VPS50: variants seen among roughly 807,000 people sequenced by gnomAD.
VPS50 encodes the protein syndetin.
Under a neutral mutation model 139.7 loss-of-function variants are expected in VPS50, and 70 were observed. The observed-to-expected ratio is 0.50, with a 90% confidence interval of 0.41 to 0.61. VPS50 has a LOEUF of 0.61. Ranked by LOEUF, VPS50 falls within the 20% of genes least tolerant of loss-of-function variation. The pLI is 0.00. For missense variants in VPS50, 921 were observed against 1,133.7 expected (o/e 0.81, Z 2.69); for synonymous variants, 365 against 376.7 (o/e 0.97, Z 0.36).
chr7:93,270,603 A>T (rs1336401207), intron 9 of VPS50, among the ~76,000 whole-genome samples: 1 of 151,942 alleles, frequency 6.6e-6, no homozygotes, highest in Non-Finnish European at 1.5e-5. Flanking sequence ...CCAGGACTAG[A>T]CCTGCTGGGA....
chr7:93,318,006 GA>G (rs893251401), intron 20 of VPS50, among the ~76,000 whole-genome samples: 6 of 151,370 alleles, frequency 4.0e-5, no homozygotes, highest in Non-Finnish European at 7.4e-5. Flanking sequence ...AATGTTTAAG[GA>G]AAAAAAGTTT....
chr7:93,323,027 G>C (rs554530635), intron 20 of VPS50, among the ~76,000 whole-genome samples: 1 of 152,288 alleles, frequency 6.6e-6, no homozygotes, highest in Admixed American at 6.5e-5. Context: ...GCTCTTGAAT[G>C]ATACAGTGAT....
At chr7:93,261,211 C>G (rs1190147259) in intron 9 of VPS50, among the ~76,000 whole-genome samples, 2 of 152,126 alleles carry the variant, frequency 1.3e-5, no homozygotes, top group African/African-American at 4.8e-5. Context: ...TATATAGTAA[C>G]AGCTTATTGG....
intron 20 of VPS50, among the ~76,000 whole-genome samples, chr7:93,313,154 T>G (rs1797321193): frequency 6.6e-6 from 1 of 152,184 alleles, no homozygotes; most frequent in East Asian, 1.9e-4. Context: ...TTATGACTCC[T>G]GAAGCTTCTG....
chr7:93,242,909 T>G (rs1173056781), intron 2 of VPS50, among the ~76,000 whole-genome samples: 1 of 151,876 alleles, frequency 6.6e-6, no homozygotes, highest in Non-Finnish European at 1.5e-5. Context: ...TATTGGCAAA[T>G]TGTATGTGCT....
chr7:93,239,389 G>T, intron 1 of VPS50, among the ~76,000 whole-genome samples: 1 of 152,152 alleles, frequency 6.6e-6, no homozygotes, highest in Non-Finnish European at 1.5e-5. Context: ...TATGCAGCAT[G>T]AATTGGATAC....
At chr7:93,258,087 C>T (rs1795544566) in intron 6 of VPS50, 72 bp from the exon 7 acceptor site, 14 of 666,000 alleles carry the variant, frequency 2.1e-5, no homozygotes, top group South Asian at 1.5e-4. Flanking sequence ...CATTAGTTAC[C>T]TAATTGTTCT....
At chr7:93,274,034 G>A (rs963546862) in intron 11 of VPS50, among the ~76,000 whole-genome samples, 3 of 152,058 alleles carry the variant, frequency 2.0e-5, no homozygotes, top group Non-Finnish European at 2.9e-5. Context: ...ACAAATGTGT[G>A]TGTTCTGACC....
intron 19 of VPS50, among the ~76,000 whole-genome samples, chr7:93,309,169 A>G (rs1442623712): frequency 6.6e-6 from 1 of 151,996 alleles, no homozygotes; most frequent in Non-Finnish European, 1.5e-5. Flanking sequence ...AGTTATATGA[A>G]AAGTTCTGCC....
intron 11 of VPS50, among the ~76,000 whole-genome samples, chr7:93,275,383 T>G (rs1317337097): frequency 6.6e-6 from 1 of 152,140 alleles, no homozygotes; most frequent in African/African-American, 2.4e-5. Flanking sequence ...ACTTCACTGT[T>G]GTCTTTTCAG....
chr7:93,247,364 A>G (rs1795186933), intron 2 of VPS50, among the ~76,000 whole-genome samples: 1 of 152,126 alleles, frequency 6.6e-6, no homozygotes, highest in African/African-American at 2.4e-5. Flanking sequence ...TTTGGCATAC[A>G]TGCAGACTCT....
chr7:93,290,817 T>G (rs1296183183), intron 12 of VPS50, among the ~76,000 whole-genome samples: 2 of 151,954 alleles, frequency 1.3e-5, no homozygotes, highest in African/African-American at 4.8e-5. Flanking sequence ...AGAAAAAGCC[T>G]TTTGAAAGAG....
At chr7:93,282,378 A>C (rs916341162) in intron 12 of VPS50, among the ~76,000 whole-genome samples, 14 of 152,202 alleles carry the variant, frequency 9.2e-5, no homozygotes, top group Non-Finnish European at 2.9e-5. Flanking sequence ...GCACTGTAGT[A>C]AATATTCTTA....
At position 93,341,529 on chromosome 7, in the gene VPS50, GA is replaced by G; in HGVS notation, c.2162del (p.Asp721ValfsTer11). 1 of 1,612,436 alleles carries G rather than the reference GA, an allele frequency of 6.2e-7. No homozygotes were observed. Among genetic ancestry groups the G allele is most frequent in the Non-Finnish European group, 8.5e-7 (1 of 1,178,750 alleles). The stretch of plus-strand genomic sequence containing the variant: ...TCACCTAGTGGTTTTGACATCTGGG[GA>G]TACGCTGTATGGGTTGGCAGAAAGA... Reference protein sequence around the residue: ...LSHLVVLTSGDTLYGLAERVV... With the variant: ...LSHLVVLTSGXTLYGLAERVV... On this transcript the variant is annotated frameshift_variant, in exon 23 of 28. Coordinates refer to ENST00000305866, the MANE Select transcript of VPS50 (RefSeq NM_017667.4). LOFTEE classifies it high-confidence loss of function.
At chr7:93,244,582 A>G (rs981193172) in intron 2 of VPS50, among the ~76,000 whole-genome samples, 2 of 151,864 alleles carry the variant, frequency 1.3e-5, no homozygotes, top group Admixed American at 6.6e-5. Flanking sequence ...CTATATTGTA[A>G]TTTTTGTAGG....
In VPS50 at chr7:93,272,724, A is replaced by G; in HGVS notation, c.792A>G (p.Gly264=). 3 of 1,472,678 alleles carry G rather than the reference A, an allele frequency of 2.0e-6. No individual in the cohort carries two copies. The highest frequency in any genetic ancestry group is 2.8e-6 in the Non-Finnish European group (3 of 1,070,652). The allele number at this position is 1,472,678 out of a possible 1,614,324, so 91.2% of individuals were successfully genotyped here. A position where few individuals can be genotyped will look rare whatever the true frequency, so the allele number is the denominator to read the frequency against. Residue 264 remains glycine (G), a synonymous_variant, in exon 11 of 28, where the codon GGA becomes GGG. Transcript: ENST00000305866. ...TTCAACAAGCTTATCGACTTCTTGG[A>G]AAAACACAGGTTTGTTACAAAAGGA... ...TKVQQAYRLL[G]KTQTAMDQLH...
intron 12 of VPS50, among the ~76,000 whole-genome samples, chr7:93,282,681 A>G: frequency 6.6e-6 from 1 of 152,206 alleles, no homozygotes; most frequent in East Asian, 1.9e-4. Context: ...TTGGGATGGT[A>G]AGGAGGTTAA....
intron 11 of VPS50, among the ~76,000 whole-genome samples, chr7:93,275,017 T>C (rs1051553341): frequency 6.6e-6 from 1 of 152,186 alleles, no homozygotes; most frequent in African/African-American, 2.4e-5. Flanking sequence ...AAGAAATCAC[T>C]GCAGATGTGG....
chr7:93,240,481 C>A (rs12532186), intron 2 of VPS50, among the ~76,000 whole-genome samples: 22,464 of 152,002 alleles, frequency 0.15, 2,678 homozygotes, highest in East Asian at 0.4. Flanking sequence ...CTCTGATATT[C>A]ACGTGAATTT....
Sources: allele counts gnomAD v4.1 joint callset (sites outside exome capture counted in the v4.1 genomes callset), GRCh38; gene constraint gnomAD v4.1.1; transcripts MANE v1.5; gene names NCBI Gene and HGNC (gene_info 2026-07-23, HGNC 2026-07-21).